GYPC: variants seen among roughly 807,000 people sequenced by gnomAD.
GYPC encodes the protein glycophorin C (Gerbich blood group).
Under a neutral mutation model 12.6 loss-of-function variants are expected in GYPC, and 14 were observed. The observed-to-expected ratio is 1.11, with a 90% CI of 0.74 to 1.74. GYPC has a LOEUF of 1.74. GYPC is among the 40% of genes most tolerant of loss of function. GYPC has a pLI of 0.00. For synonymous variants in GYPC, 78 were observed against 62.1 expected, an observed-to-expected ratio of 1.26 and a Z score of -1.20; for missense variants, 225 against 172.1, an observed-to-expected ratio of 1.31 and a Z score of -1.72.
intron 1 of GYPC, among the ~76,000 whole-genome samples, chr2:126,661,023 T>A (rs1329481677): frequency 6.6e-6 from 1 of 152,186 alleles, no homozygotes; most frequent in Non-Finnish European, 1.5e-5. Flanking sequence ...GACTATACAT[T>A]TTCATTTTTC....
intron 1 of GYPC, chr2:126,675,767 T>A: frequency 1.4e-6 from 1 of 695,626 alleles, no homozygotes; most frequent in Non-Finnish European, 1.8e-6. Context: ...ATAAAATTTA[T>A]TAGTGATATT....
chr2:126,693,785 G>A lies in GYPC; in HGVS notation c.107-79G>A, dbSNP rs148779992. The A allele has an allele frequency of 8.1e-4, 765 of 940,664 alleles. 7 individuals carry two copies. The African/African-American group carries it at 9.4e-3, about 12-fold the overall frequency. 58.3% of individuals were successfully genotyped at this position (940,664 alleles called of 1,614,324 possible). A position where few individuals can be genotyped will look rare whatever the true frequency, so the allele number is the denominator to read the frequency against. ...TCAGAGCTGCTCACACCTGAGCAAA[G>A]GATGCAGCTTGGGCCAAGGTGCTGC... is the stretch of plus-strand genomic sequence containing the variant. On this transcript the variant is annotated intron_variant, in intron 2 of 3. Coordinates refer to ENST00000259254, the MANE Select transcript of GYPC (RefSeq NM_002101.5).
intron 1 of GYPC, among the ~76,000 whole-genome samples, chr2:126,667,049 G>T (rs976938980): frequency 2.0e-5 from 3 of 152,150 alleles, no homozygotes; most frequent in African/African-American, 7.2e-5. Context: ...CCACTTCTTT[G>T]CTCAGTGTAG....
intron 1 of GYPC, among the ~76,000 whole-genome samples, chr2:126,671,137 C>A (rs1401351928): frequency 6.6e-6 from 1 of 152,162 alleles, no homozygotes; most frequent in Non-Finnish European, 1.5e-5. Flanking sequence ...CCTGGGCCCA[C>A]GAGAAGAGCA....
chr2:126,670,230 T>G (rs1294598960), intron 1 of GYPC, among the ~76,000 whole-genome samples: 1 of 152,236 alleles, frequency 6.6e-6, no homozygotes, highest in Non-Finnish European at 1.5e-5. Context: ...CTAGCCTCAC[T>G]GGACCAAGCC....
At chr2:126,684,318 C>T (rs940059229) in intron 1 of GYPC, among the ~76,000 whole-genome samples, 2 of 152,188 alleles carry the variant, frequency 1.3e-5, no homozygotes, top group African/African-American at 4.8e-5. Context: ...GGAAGAGTGG[C>T]CATGCCTGAG....
At position 126,672,746 on chromosome 2, in the gene GYPC, A is replaced by G. The variant is rs561556403; in HGVS notation, c.49+16434A>G. ...AGAACAGAACTGTGAAAGGAGGTGG[A>G]TAAGGGAGGTCTCGACCTGATGCTT... On this transcript the variant is annotated intron_variant, in intron 1 of 3. Transcript: ENST00000259254. Among the ~76,000 whole-genome samples the G allele has an allele frequency of 5.3e-5, 8 of 152,256 alleles. No individual in the cohort carries two copies. In the South Asian group the frequency reaches 1.4e-3, roughly 28 times the overall value.
At chr2:126,683,072 C>T (rs750184691) in intron 1 of GYPC, among the ~76,000 whole-genome samples, 8 of 152,200 alleles carry the variant, frequency 5.3e-5, no homozygotes, top group Non-Finnish European at 4.4e-5. Flanking sequence ...AATCCCAACA[C>T]TTTGGGAGGC....
chr2:126,660,711 A>G (rs1682510957), intron 1 of GYPC, among the ~76,000 whole-genome samples: 5 of 152,112 alleles, frequency 3.3e-5, no homozygotes, highest in Non-Finnish European at 5.9e-5. Context: ...CCACCATTCC[A>G]ATACCAAAAG....
chr2:126,661,721 G>C (rs891344792), intron 1 of GYPC, among the ~76,000 whole-genome samples: 1 of 151,892 alleles, frequency 6.6e-6, no homozygotes, highest in African/African-American at 2.4e-5. Context: ...CAAAGTGCTG[G>C]GATTGATTAC....
intron 1 of GYPC, among the ~76,000 whole-genome samples, chr2:126,689,528 C>A (rs1683393004): frequency 6.6e-6 from 1 of 150,498 alleles, no homozygotes; most frequent in African/African-American, 2.5e-5. Context: ...ATAGTTGAGT[C>A]ACAGGGGCAG....
chr2:126,663,226 T>C (rs1383155633), intron 1 of GYPC, among the ~76,000 whole-genome samples: 2 of 152,098 alleles, frequency 1.3e-5, no homozygotes, highest in Non-Finnish European at 2.9e-5. Flanking sequence ...TTAGTAGAGA[T>C]GTGGTTTCAC....
At chr2:126,689,426 G>A (rs1683388984) in intron 1 of GYPC, among the ~76,000 whole-genome samples, 1 of 152,106 alleles carries the variant, frequency 6.6e-6, no homozygotes. Context: ...AACACCTGGT[G>A]CTATGGTTTG....
At chr2:126,678,104 C>T (rs1683059456) in intron 1 of GYPC, among the ~76,000 whole-genome samples, 1 of 152,126 alleles carries the variant, frequency 6.6e-6, no homozygotes, top group African/African-American at 2.4e-5. Flanking sequence ...CACCTGTAAT[C>T]CCAGCTACTC....
intron 1 of GYPC, among the ~76,000 whole-genome samples, chr2:126,660,123 GGCCC>G (rs1226224898): frequency 6.6e-6 from 1 of 152,188 alleles, no homozygotes; most frequent in Non-Finnish European, 1.5e-5. Flanking sequence ...AGGGTATGTG[GGCCC>G]ACAGCTTGTA....
chr2:126,670,712 A>G (rs977177306), intron 1 of GYPC, among the ~76,000 whole-genome samples: 1 of 152,156 alleles, frequency 6.6e-6, no homozygotes, highest in African/African-American at 2.4e-5. Context: ...GCACACACTC[A>G]GTAAATGTTA....
At chr2:126,675,124 G>A (rs976186621) in intron 1 of GYPC, among the ~76,000 whole-genome samples, 1 of 151,964 alleles carries the variant, frequency 6.6e-6, no homozygotes, top group Admixed American at 6.6e-5. Flanking sequence ...ACCTGCTGCA[G>A]CCCTACCAGG....
chr2:126,692,239 C>A (rs1389195505), intron 2 of GYPC, among the ~76,000 whole-genome samples: 4 of 152,060 alleles, frequency 2.6e-5, no homozygotes, highest in Non-Finnish European at 4.4e-5. Context: ...TTCACTGGGT[C>A]CCTGGGCTGC....
intron 2 of GYPC, among the ~76,000 whole-genome samples, chr2:126,692,993 C>T (rs1201687120): frequency 6.6e-6 from 1 of 152,180 alleles, no homozygotes; most frequent in African/African-American, 2.4e-5. Flanking sequence ...GATGTGAAGA[C>T]TGCATGATAG....
Sources: allele counts gnomAD v4.1 joint callset (sites outside exome capture counted in the v4.1 genomes callset), GRCh38; gene constraint gnomAD v4.1.1; transcripts MANE v1.5; gene names NCBI Gene and HGNC (gene_info 2026-07-23, HGNC 2026-07-21).